Variants in PMFBP1 observed in about 807,000 individuals in gnomAD.
PMFBP1 encodes polyamine-modulated factor 1-binding protein 1.
Under a neutral mutation model 137.8 loss-of-function variants are expected in PMFBP1, and 131 were observed. The ratio of observed to expected loss-of-function variants is 0.95; its 90% CI spans 0.82 to 1.10. PMFBP1 has a LOEUF of 1.10. Ranked by LOEUF, PMFBP1 falls within the 50% of genes least tolerant of loss-of-function variation. The pLI is 0.00. For synonymous variants in PMFBP1, 490 were observed against 450.4 expected, an observed-to-expected ratio of 1.09 and a Z score of -1.11; for missense variants, 1,199 against 1,175.4, an observed-to-expected ratio of 1.02 and a Z score of -0.29.
At chr16:72,130,793 G>T in intron 10 of PMFBP1, 71 bp from the exon 11 acceptor site, 1 of 1,425,412 alleles carries the variant, frequency 7.0e-7, no homozygotes, top group Non-Finnish European at 9.3e-7. Flanking sequence ...CAGCCTGGCT[G>T]AAGAGTTTTT....
chr16:72,205,094 T>C, the PMFBP1 span, among the ~76,000 whole-genome samples: 2 of 152,158 alleles, frequency 1.3e-5, no homozygotes, highest in Non-Finnish European at 2.9e-5. Flanking sequence ...TCAGTGTGTC[T>C]AGGCTGTGAC....
In PMFBP1 at chr16:72,125,908, C is replaced by CGCTACCTTG; in HGVS notation, c.2253+51_2253+59dup. 1.9e-6 allele frequency: 3 copies of CGCTACCTTG among 1,574,834 alleles called. No homozygotes were observed. The South Asian group carries it at 3.5e-5, about 18-fold the overall frequency. ...AGGAAATTGGCTCCTGTGCTTCTCC[C>CGCTACCTTG]GCTACCTTGACGTTTCCTTGCCTGA... On this transcript the variant is annotated intron_variant, in intron 15 of 20. Coordinates refer to ENST00000237353, the MANE Select transcript of PMFBP1 (RefSeq NM_031293.3).
At chr16:72,165,270 G>A (rs2043128601) in intron 2 of PMFBP1, among the ~76,000 whole-genome samples, 1 of 152,154 alleles carries the variant, frequency 6.6e-6, no homozygotes, top group East Asian at 1.9e-4. Flanking sequence ...TGAACATATT[G>A]AGATGTCAAA....
chr16:72,153,873 CT>C (rs573116300), intron 4 of PMFBP1, among the ~76,000 whole-genome samples: 173 of 149,112 alleles, frequency 1.2e-3, no homozygotes, highest in African/African-American at 3.9e-3. Context: ...GACCTACAGT[CT>C]TTTGCATTTA....
intron 10 of PMFBP1, 82 bp from the exon 11 acceptor site, chr16:72,130,804 C>T (rs995343658): frequency 9.5e-6 from 13 of 1,372,528 alleles, no homozygotes; most frequent in Non-Finnish European, 1.3e-5. Context: ...AAGAGTTTTT[C>T]CTTTCATTTT....
the PMFBP1 span, among the ~76,000 whole-genome samples, chr16:72,247,592 G>A: frequency 6.6e-6 from 1 of 152,162 alleles, no homozygotes; most frequent in Admixed American, 6.5e-5. Context: ...TCAGTGACAA[G>A]GTGCAATGTG....
chr16:72,239,762 T>C, the PMFBP1 span, among the ~76,000 whole-genome samples: 26 of 151,762 alleles, frequency 1.7e-4, no homozygotes, highest in African/African-American at 6.1e-4. Flanking sequence ...TGTGGTGGCA[T>C]GTGCCTGTAA....
At chr16:72,150,880 G>C (rs1375555412) in intron 4 of PMFBP1, 51 bp from the exon 5 acceptor site, 1 of 1,499,632 alleles carries the variant, frequency 6.7e-7, no homozygotes, top group African/African-American at 1.4e-5. Flanking sequence ...CACGTAATGA[G>C]GAAAGGATGC....
the PMFBP1 span, among the ~76,000 whole-genome samples, chr16:72,234,238 C>T: frequency 6.6e-6 from 1 of 152,166 alleles, no homozygotes; most frequent in South Asian, 2.1e-4. Flanking sequence ...GTTGTCATAG[C>T]TTCCCTTAAA....
the PMFBP1 span, among the ~76,000 whole-genome samples, chr16:72,200,533 G>A: frequency 6.6e-6 from 1 of 152,204 alleles, no homozygotes; most frequent in African/African-American, 2.4e-5. Flanking sequence ...GGAGACCAGT[G>A]AGCCTCATAG....
the PMFBP1 span, among the ~76,000 whole-genome samples, chr16:72,204,382 T>A: frequency 6.6e-6 from 1 of 152,064 alleles, no homozygotes; most frequent in Admixed American, 6.6e-5. Flanking sequence ...GCTAGTTTTT[T>A]GTGGAGATAG....
chr16:72,199,196 G>A, the PMFBP1 span, among the ~76,000 whole-genome samples: 1 of 152,132 alleles, frequency 6.6e-6, no homozygotes, highest in Admixed American at 6.5e-5. Context: ...CTGAGGCAGG[G>A]GGAGCATCTT....
upstream of PMFBP1, among the ~76,000 whole-genome samples, chr16:72,181,012 G>A (rs1301023573): frequency 6.6e-6 from 1 of 152,058 alleles, no homozygotes; most frequent in Admixed American, 6.6e-5. Flanking sequence ...AGGCCAAGGC[G>A]GGCAGATCAC....
chr16:72,178,226 T>G (rs532253662), upstream of PMFBP1, among the ~76,000 whole-genome samples: 9 of 152,296 alleles, frequency 5.9e-5, no homozygotes, highest in African/African-American at 1.9e-4. Context: ...ACCTTCTTAG[T>G]GTATCATGTC....
chr16:72,192,722 T>C, the PMFBP1 span, among the ~76,000 whole-genome samples: 1 of 151,866 alleles, frequency 6.6e-6, no homozygotes, highest in African/African-American at 2.4e-5. Context: ...GCCAATATGG[T>C]GAAACCCCGT....
At chr16:72,152,958 C>A (rs369630508) in intron 4 of PMFBP1, among the ~76,000 whole-genome samples, 1 of 152,080 alleles carries the variant, frequency 6.6e-6, no homozygotes, top group Non-Finnish European at 1.5e-5. Flanking sequence ...AAGGATAGAC[C>A]CTTAGACCTG....
At chr16:72,240,246 T>G in the PMFBP1 span, among the ~76,000 whole-genome samples, 1 of 152,254 alleles carries the variant, frequency 6.6e-6, no homozygotes, top group South Asian at 2.1e-4. Context: ...GGTTTCTTTC[T>G]AGTAACTTAA....
At chr16:72,248,297 T>A in the PMFBP1 span, among the ~76,000 whole-genome samples, 1 of 152,210 alleles carries the variant, frequency 6.6e-6, no homozygotes, top group African/African-American at 2.4e-5. Context: ...TAAATCAGTG[T>A]TCCAGTAAGT....
At chr16:72,149,189 A>G (rs1342704101) in intron 5 of PMFBP1, among the ~76,000 whole-genome samples, 1 of 152,240 alleles carries the variant, frequency 6.6e-6, no homozygotes, top group East Asian at 1.9e-4. Flanking sequence ...AAGGTAATGA[A>G]AATTGTAACC....
Sources: gnomAD v4.1 joint callset for allele counts (sites outside exome capture counted in the v4.1 genomes callset) on GRCh38, gnomAD v4.1.1 for gene constraint, MANE v1.5 for transcripts, NCBI Gene and HGNC (gene_info 2026-07-23, HGNC 2026-07-21) for gene names.